UBE2G1: variants seen among roughly 807,000 people sequenced by gnomAD.
The protein encoded by UBE2G1 is ubiquitin conjugating enzyme E2 G1.
A neutral mutation model predicts 22.7 loss-of-function variants in UBE2G1; 5 were observed. That is an observed-to-expected ratio of 0.22 (90% CI 0.12 to 0.46). The LOEUF (loss-of-function observed/expected upper bound fraction) is 0.46, where lower values mean the gene tolerates loss of function less well. Ranked by LOEUF, UBE2G1 falls within the 20% of genes least tolerant of loss-of-function variation. The pLI is 0.99. For missense variants in UBE2G1, 88 were observed against 203.9 expected (o/e 0.43, Z 3.46); for synonymous variants, 74 against 67.5 (o/e 1.10, Z -0.47).
At chr17:4,339,650 G>A (rs923832077) in intron 1 of UBE2G1, among the ~76,000 whole-genome samples, 7 of 151,984 alleles carry the variant, frequency 4.6e-5, no homozygotes, top group African/African-American at 1.4e-4. Flanking sequence ...TTGGGAGTTC[G>A]AGACCAGCCT....
At chr17:4,302,645 A>G in intron 2 of UBE2G1, 1 of 328,016 alleles carries the variant, frequency 3.0e-6, no homozygotes, top group Non-Finnish European at 6.1e-6. Context: ...CCAGGGTGAG[A>G]ACCTAAATTA....
At chr17:4,322,324 G>A (rs1378259478) in intron 1 of UBE2G1, among the ~76,000 whole-genome samples, 1 of 152,228 alleles carries the variant, frequency 6.6e-6, no homozygotes, top group Non-Finnish European at 1.5e-5. Context: ...GTGTGATTAT[G>A]TCAAAGTAGC....
chr17:4,339,818 C>T (rs1369084177), intron 1 of UBE2G1, among the ~76,000 whole-genome samples: 1 of 151,798 alleles, frequency 6.6e-6, no homozygotes, highest in African/African-American at 2.4e-5. Flanking sequence ...CATTGCGCTC[C>T]AGCCTGGGCA....
chr17:4,336,963 G>C (rs151249811), intron 1 of UBE2G1, among the ~76,000 whole-genome samples: 171 of 152,146 alleles, frequency 1.1e-3, no homozygotes, highest in Middle Eastern at 3.4e-3. Flanking sequence ...AAAATTTCAG[G>C]AAAGTAGAAA....
chr17:4,339,849 CA>C (rs1183389003), intron 1 of UBE2G1, among the ~76,000 whole-genome samples: 2,148 of 137,594 alleles, frequency 0.016, 31 homozygotes, highest in African/African-American at 0.043. Context: ...AACTGCATCT[CA>C]AAAAAAAAAA....
intron 1 of UBE2G1, among the ~76,000 whole-genome samples, chr17:4,327,125 G>A (rs372768247): frequency 2.2e-4 from 34 of 152,136 alleles, no homozygotes; most frequent in African/African-American, 6.5e-4. Context: ...GCAAAACCCC[G>A]TCTCTACCAA....
intron 1 of UBE2G1, among the ~76,000 whole-genome samples, chr17:4,358,477 A>T (rs996559512): frequency 6.6e-5 from 10 of 151,436 alleles, no homozygotes; most frequent in Non-Finnish European, 1.3e-4. Flanking sequence ...TAAACTGTTG[A>T]GGGTTCTTTA....
chr17:4,363,977 A>AAAAAAAAG, intron 1 of UBE2G1, among the ~76,000 whole-genome samples: 1 of 135,266 alleles, frequency 7.4e-6, no homozygotes, highest in African/African-American at 2.8e-5. Flanking sequence ...AAAAAAAAAA[A>AAAAAAAAG]GATGCAGACG....
chr17:4,358,735 T>C (rs1364299551), intron 1 of UBE2G1, among the ~76,000 whole-genome samples: 1 of 152,172 alleles, frequency 6.6e-6, no homozygotes, highest in Non-Finnish European at 1.5e-5. Flanking sequence ...GTGGATCACC[T>C]GAGGTCAGGA....
chr17:4,276,814 G>A (rs1968826659), intron 5 of UBE2G1, among the ~76,000 whole-genome samples: 1 of 152,140 alleles, frequency 6.6e-6, no homozygotes, highest in Non-Finnish European at 1.5e-5. Context: ...TTAGACAAAG[G>A]GAGAAGATGA....
At chr17:4,314,937 A>G (rs1969349056) in intron 1 of UBE2G1, among the ~76,000 whole-genome samples, 1 of 152,232 alleles carries the variant, frequency 6.6e-6, no homozygotes, top group African/African-American at 2.4e-5. Flanking sequence ...GAGAGAAATG[A>G]ATTCAAACTT....
chr17:4,279,798 T>TG, intron 5 of UBE2G1, among the ~76,000 whole-genome samples: 2 of 6,018 alleles, frequency 3.3e-4, no homozygotes, highest in East Asian at 0.038. Flanking sequence ...TATATATATA[T>TG]ATATATATAT....
chr17:4,287,780 G>C (rs1968984091), intron 4 of UBE2G1, among the ~76,000 whole-genome samples: 2 of 151,860 alleles, frequency 1.3e-5, no homozygotes, highest in Admixed American at 6.6e-5. Flanking sequence ...AGGAGAGAAG[G>C]CTAAGGAACT....
At chr17:4,357,305 A>T (rs759719882) in intron 1 of UBE2G1, among the ~76,000 whole-genome samples, 45 of 152,094 alleles carry the variant, frequency 3.0e-4, no homozygotes, top group African/African-American at 1.1e-3. Flanking sequence ...GCATATTGTT[A>T]TCATTGCTCT....
intron 4 of UBE2G1, among the ~76,000 whole-genome samples, 184 bp downstream of exon 4, chr17:4,289,046 T>C (rs934469884): frequency 1.3e-5 from 2 of 151,214 alleles, no homozygotes. Flanking sequence ...TCAAAAAAAA[T>C]AAAATAAATA....
chr17:4,334,685 G>A (rs148906377), intron 1 of UBE2G1, among the ~76,000 whole-genome samples: 7 of 152,046 alleles, frequency 4.6e-5, no homozygotes, highest in Non-Finnish European at 8.8e-5. Flanking sequence ...GATTACAGGC[G>A]CCCACCAACA....
intron 3 of UBE2G1, among the ~76,000 whole-genome samples, chr17:4,291,652 A>C (rs764581103): frequency 6.6e-6 from 1 of 152,224 alleles, no homozygotes; most frequent in African/African-American, 2.4e-5. Context: ...TTTTAGAATG[A>C]GAAGATTTTT....
rs112706975 is a variant in UBE2G1, at chr17:4,325,294, G to A, written c.47-18171C>T. ...AAATGATGGGATTGTGGGTGATGAC[G>A]TGTCAATGTAGTCCATCAGTCATAA... On this transcript the variant is annotated intron_variant, in intron 1 of 5. Coordinates refer to ENST00000396981, the MANE Select transcript of UBE2G1 (RefSeq NM_003342.5). Among the ~76,000 whole-genome samples the A allele has an allele frequency of 6.1e-3, 925 of 152,196 alleles. 4 individuals are homozygous for A. Among genetic ancestry groups the A allele is most frequent in the African/African-American group, 0.021 (886 of 41,518 alleles).
At chr17:4,302,140 T>C (rs1969189502) in intron 2 of UBE2G1, 1 of 521,322 alleles carries the variant, frequency 1.9e-6, no homozygotes, top group Non-Finnish European at 3.9e-6. Flanking sequence ...TGTGTTGCCA[T>C]GTTCCCTTTT....
Sources: gnomAD v4.1 joint callset for allele counts (sites outside exome capture counted in the v4.1 genomes callset) on GRCh38, gnomAD v4.1.1 for gene constraint, MANE v1.5 for transcripts, NCBI Gene and HGNC (gene_info 2026-07-23, HGNC 2026-07-21) for gene names.